HADHA: variants seen among roughly 807,000 people sequenced by gnomAD.
The protein encoded by HADHA is trifunctional enzyme subunit alpha, mitochondrial.
HADHA carries 59 observed loss-of-function variants against 91.3 expected under a neutral mutation model. That is an observed-to-expected ratio of 0.65 (90% CI 0.52 to 0.80). The LOEUF (loss-of-function observed/expected upper bound fraction) is 0.80, where lower values mean the gene tolerates loss of function less well. Ranked by LOEUF, HADHA falls within the 30% of genes least tolerant of loss-of-function variation. The pLI, the probability that HADHA is intolerant of heterozygous loss-of-function variation, is 0.00. For missense variants in HADHA, 800 were observed against 927.6 expected, an observed-to-expected ratio of 0.86 and a Z score of 1.79; for synonymous variants, 320 against 338.9, an observed-to-expected ratio of 0.94 and a Z score of 0.61.
At chr2:26,242,540 A>G (rs1411277161) in intron 1 of HADHA, among the ~76,000 whole-genome samples, 3 of 111,324 alleles carry the variant, frequency 2.7e-5, no homozygotes, top group Non-Finnish European at 6.5e-5. Context: ...GATATATACA[A>G]TCGTATTTCT....
rs772436809 is a variant in HADHA at position 26,192,441 on chromosome 2, AAGGGAGTGTTACTATTTGTTCTCAGGG to A, written c.1886-44_1886-18del. 194 of 1,277,932 alleles carry A rather than the reference AAGGGAGTGTTACTATTTGTTCTCAGGG, an allele frequency of 1.5e-4. No individual in the cohort carries two copies. The highest frequency in any genetic ancestry group is 1.1e-3 in the African/African-American group (73 of 68,510). The allele number at this position is 1,277,932 out of a possible 1,614,324, so 79.2% of individuals were successfully genotyped here. A position where few individuals can be genotyped will look rare whatever the true frequency, so the allele number is the denominator to read the frequency against. On this transcript the variant is annotated intron_variant, in intron 17 of 19. Coordinates refer to ENST00000380649, the MANE Select transcript of HADHA (RefSeq NM_000182.5). ...ATTTACGACCTAAAACAGGCAAGAA[AAGGGAGTGTTACTATTTGTTCTCAGGG>A]AGGGAGTGTTACTATTTGTTCTCAG...
chr2:26,207,301 G>A (rs956106199), intron 11 of HADHA, among the ~76,000 whole-genome samples: 7 of 146,936 alleles, frequency 4.8e-5, no homozygotes, highest in Admixed American at 4.8e-4. Context: ...AGGAGAAAAA[G>A]AATGCATTAT....
intron 14 of HADHA, among the ~76,000 whole-genome samples, chr2:26,197,417 T>G (rs1398533353): frequency 6.6e-6 from 1 of 152,214 alleles, no homozygotes; most frequent in Non-Finnish European, 1.5e-5. Flanking sequence ...GGCCTATCCT[T>G]CAATGCCTAA....
chr2:26,218,408 TA>T (rs1182588839), intron 7 of HADHA, among the ~76,000 whole-genome samples: 2 of 152,050 alleles, frequency 1.3e-5, no homozygotes, highest in Non-Finnish European at 2.9e-5. Flanking sequence ...AGAACAGACC[TA>T]CACTACAGAA....
chr2:26,205,397 G>A (rs1669946643), intron 11 of HADHA, among the ~76,000 whole-genome samples: 1 of 152,138 alleles, frequency 6.6e-6, no homozygotes, highest in Non-Finnish European at 1.5e-5. Flanking sequence ...TCTAAATGCA[G>A]CTTTGTAATG....
intron 7 of HADHA, among the ~76,000 whole-genome samples, chr2:26,222,891 G>T (rs973362851): frequency 4.1e-4 from 62 of 152,174 alleles, no homozygotes; most frequent in African/African-American, 1.3e-3. Flanking sequence ...GTATTTTGCA[G>T]AGTCAATGTC....
chr2:26,193,551 A>T (rs759125902), intron 17 of HADHA, 26 bp downstream of exon 17: 2 of 1,556,856 alleles, frequency 1.3e-6, no homozygotes, highest in Non-Finnish European at 1.8e-6. Context: ...TAATGGTGCT[A>T]GTTATGTTTC....
rs778824071 is a variant in HADHA at position 26,212,626 on chromosome 2, C to T, written c.919G>A (p.Val307Met). 1 of 1,592,598 alleles carries T rather than the reference C, an allele frequency of 6.3e-7. No homozygotes were observed. Among genetic ancestry groups the T allele is most frequent in the Admixed American group, 1.7e-5 (1 of 59,996 alleles). The change falls in exon 10 of 20, where the codon GTG (valine) becomes ATG (methionine). Residue 307 changes from valine to methionine, a missense_variant and splice_region_variant. By Grantham distance (21) the Val-to-Met change is conservative. Coordinates refer to ENST00000380649, the MANE Select transcript of HADHA (RefSeq NM_000182.5). ...LYPAPLKIID[V>M]VKTGIEQGSD... is the part of the protein sequence containing the mutation. ...CCTTGCTCAATTCCAGTCTTTACCA[C>T]CTAAAAAACATATAAAGCACTTGCT...
At chr2:26,197,883 C>A (rs1469229705) in intron 13 of HADHA, 106 bp from the exon 14 acceptor site, 8 of 746,162 alleles carry the variant, frequency 1.1e-5, no homozygotes, top group Admixed American at 9.2e-5. Context: ...CTCTGTCCCC[C>A]ACAACTGCTC....
chr2:26,192,361 G>A lies in HADHA; in HGVS notation c.1949C>T (p.Ser650Phe). 1.2e-6 allele frequency: 2 copies of A among 1,611,298 alleles called. No individual in the cohort carries two copies. Among genetic ancestry groups the A allele is most frequent in the Non-Finnish European group, 1.7e-6 (2 of 1,177,394 alleles). ...QEGVKRKDLNSDMDSILASLK... is the reference protein window; with the variant it reads ...QEGVKRKDLNFDMDSILASLK... Reference sequence around the variant, plus strand: ...ACTCGCTAAAATACTATCCATGTCAGAATTCAAATCCTTCCTCTTCACACC... The same window carrying A: ...ACTCGCTAAAATACTATCCATGTCAAAATTCAAATCCTTCCTCTTCACACC... The change falls in exon 18 of 20, where the codon TCT (serine) becomes TTT (phenylalanine). Residue 650 changes from serine to phenylalanine, a missense_variant. Coordinates refer to ENST00000380649, the MANE Select transcript of HADHA (RefSeq NM_000182.5).
At chr2:26,234,896 T>C (rs1021895862) in intron 4 of HADHA, among the ~76,000 whole-genome samples, 1 of 152,202 alleles carries the variant, frequency 6.6e-6, no homozygotes, top group African/African-American at 2.4e-5. Context: ...ATTACTTCAC[T>C]ATCAGATTAA....
At chr2:26,217,881 T>A (rs1452418277) in intron 7 of HADHA, among the ~76,000 whole-genome samples, 1 of 151,966 alleles carries the variant, frequency 6.6e-6, no homozygotes, top group African/African-American at 2.4e-5. Flanking sequence ...CACTTTAACC[T>A]GGGCAACAGA....
At chr2:26,194,381 C>T (rs1265779698) in intron 16 of HADHA, among the ~76,000 whole-genome samples, 189 bp downstream of exon 16, 1 of 152,174 alleles carries the variant, frequency 6.6e-6, no homozygotes, top group African/African-American at 2.4e-5. Flanking sequence ...AGGGAAAGCT[C>T]TGCCCCTTTC....
At chr2:26,234,383 G>C (rs748102388) in intron 4 of HADHA, 28 bp from the exon 5 acceptor site, 3 of 1,602,366 alleles carry the variant, frequency 1.9e-6, no homozygotes, top group Admixed American at 1.7e-5. Context: ...GTAGAGAACA[G>C]AGAAAAAGAT....
intron 1 of HADHA, among the ~76,000 whole-genome samples, chr2:26,240,036 C>T (rs1192081920): frequency 6.6e-6 from 1 of 152,182 alleles, no homozygotes; most frequent in African/African-American, 2.4e-5. Flanking sequence ...GTATTTACCA[C>T]TCTTCCTTCT....
At chr2:26,193,503 A>G in intron 17 of HADHA, 74 bp downstream of exon 17, 1 of 1,227,318 alleles carries the variant, frequency 8.1e-7, no homozygotes, top group Non-Finnish European at 1.2e-6. Flanking sequence ...GGGCTTCTGT[A>G]ACTCTTTGGT....
intron 7 of HADHA, among the ~76,000 whole-genome samples, chr2:26,217,799 C>A (rs561692052): frequency 6.6e-6 from 1 of 151,832 alleles, no homozygotes; most frequent in Non-Finnish European, 1.5e-5. Flanking sequence ...CCCAGCTACT[C>A]GAGAGGCTGA....
rs191378990 is a variant in HADHA at position 26,210,376 on chromosome 2, C to T, written c.976-487G>A. Among the ~76,000 whole-genome samples, 2 of 152,210 alleles carry T rather than the reference C, an allele frequency of 1.3e-5. No homozygotes were observed. The highest frequency in any genetic ancestry group is 4.8e-5 in the African/African-American group (2 of 41,534). ...GTTCTTTTTTTTTGAGATGGAGTCT[C>T]GCACTGTCACCCAGGCTGGAGTGCA... On this transcript the variant is annotated intron_variant, in intron 10 of 19. Transcript: ENST00000380649. This position sits in a 1 kb window ranked among gnomAD's most constrained non-coding sequence, Gnocchi z 4.0.
intron 5 of HADHA, among the ~76,000 whole-genome samples, chr2:26,233,156 G>A (rs1348471419): frequency 2.0e-5 from 3 of 152,108 alleles, no homozygotes; most frequent in African/African-American, 4.8e-5. Context: ...ATGTTCACTC[G>A]CCCACTGCTC....
Sources: allele counts gnomAD v4.1 joint callset (sites outside exome capture counted in the v4.1 genomes callset), GRCh38; gene constraint gnomAD v4.1.1; non-coding constraint Gnocchi (gnomAD v3.1); transcripts MANE v1.5; gene names NCBI Gene and HGNC (gene_info 2026-07-23, HGNC 2026-07-21).